BFAR: variants seen among roughly 807,000 people sequenced by gnomAD.
BFAR encodes RING finger protein 47.
In BFAR, 52 loss-of-function variants were observed where a neutral mutation model predicts 54.4. The observed-to-expected ratio is 0.96, with a 90% CI of 0.77 to 1.21. The LOEUF (loss-of-function observed/expected upper bound fraction) is 1.21. Ranked by LOEUF, BFAR falls within the 50% of genes most tolerant of loss-of-function variation. The pLI, the probability that BFAR is intolerant of heterozygous loss-of-function variation, is 0.00. For missense variants in BFAR, 571 were observed against 534.0 expected (o/e 1.07, Z -0.68); for synonymous variants, 215 against 204.3 (o/e 1.05, Z -0.45).
intron 1 of BFAR, 93 bp from the exon 2 acceptor site, chr16:14,644,181 T>G: frequency 1.5e-6 from 1 of 677,520 alleles, no homozygotes; most frequent in Non-Finnish European, 2.4e-6. Context: ...AAAAAAAAAA[T>G]TAGCGCTTCA....
chr16:14,655,464 C>G (rs886379813), intron 5 of BFAR, among the ~76,000 whole-genome samples: 1 of 150,446 alleles, frequency 6.6e-6, no homozygotes, highest in African/African-American at 2.4e-5. Context: ...TGGGATTACC[C>G]TACCCAGCTA....
intron 1 of BFAR, among the ~76,000 whole-genome samples, chr16:14,640,918 C>G (rs1000947806): frequency 6.6e-6 from 1 of 152,206 alleles, no homozygotes; most frequent in African/African-American, 2.4e-5. Flanking sequence ...TCTCCAGATA[C>G]CAGTTGTAGA....
chr16:14,645,800 T>G (rs966233452), intron 2 of BFAR, among the ~76,000 whole-genome samples: 1 of 152,202 alleles, frequency 6.6e-6, no homozygotes, highest in Non-Finnish European at 1.5e-5. Flanking sequence ...CTTTTTTCCC[T>G]TCTTATAAAC....
chr16:14,659,273 C>T (rs1023609517), intron 5 of BFAR, among the ~76,000 whole-genome samples: 16 of 147,480 alleles, frequency 1.1e-4, no homozygotes, highest in Middle Eastern at 3.7e-3. Context: ...AACAGAGTCT[C>T]GCTCTGCCTC....
intron 1 of BFAR, among the ~76,000 whole-genome samples, chr16:14,641,770 A>G (rs1959635447): frequency 1.3e-5 from 2 of 151,688 alleles, no homozygotes; most frequent in Admixed American, 1.3e-4. Context: ...CTGAGGCAGG[A>G]GAATCGCTTG....
Position 14,649,887 on chromosome 16 carries a change from G to C in BFAR, c.552G>C (p.Ala184=). The C allele has an allele frequency of 6.2e-7, 1 of 1,613,470 alleles. No homozygotes were observed. The highest frequency in any genetic ancestry group is 1.1e-5 in the South Asian group (1 of 90,898). Residue 184 remains alanine, a synonymous_variant, in exon 4 of 8, where the codon GCG becomes GCC. Transcript: ENST00000261658. ...LVHKAVAKWT[A]EEVVLWLEQL... ...ACAAGGCTGTGGCCAAATGGACGGC[G>C]GAAGAAGTTGTCCTCTGGCTGGAGC...
intron 4 of BFAR, among the ~76,000 whole-genome samples, chr16:14,653,569 A>C (rs1259131675): frequency 6.6e-6 from 1 of 151,470 alleles, no homozygotes; most frequent in Non-Finnish European, 1.5e-5. Context: ...CAGATGATCT[A>C]CCTGTGCCTC....
At chr16:14,643,941 C>T (rs1959703860) in intron 1 of BFAR, 1 of 163,184 alleles carries the variant, frequency 6.1e-6, no homozygotes, top group Non-Finnish European at 1.3e-5. Context: ...GCAGGCAGAT[C>T]ACGAGGTCAG....
intron 1 of BFAR, among the ~76,000 whole-genome samples, chr16:14,635,794 G>C (rs1034500587): frequency 6.6e-6 from 1 of 151,258 alleles, no homozygotes; most frequent in Admixed American, 6.6e-5. Context: ...CCCACACCCA[G>C]CTAATTTTAA....
chr16:14,667,112 G>T (rs1473455963), intron 7 of BFAR, among the ~76,000 whole-genome samples: 1 of 151,930 alleles, frequency 6.6e-6, no homozygotes, highest in Non-Finnish European at 1.5e-5. Context: ...TTGAGGTGGA[G>T]GATCACCTGA....
chr16:14,662,134 C>G lies in BFAR; in HGVS notation c.957+69C>G, dbSNP rs529601064. The G allele has an allele frequency of 9.1e-6, 14 of 1,533,012 alleles. No homozygotes were observed. The Admixed American group carries it at 1.9e-4, about 21-fold the overall frequency. 95.0% of individuals were successfully genotyped at this position (1,533,012 alleles called of 1,614,324 possible). On this transcript the variant is annotated intron_variant, in intron 6 of 7. Coordinates refer to ENST00000261658, the MANE Select transcript of BFAR (RefSeq NM_016561.3). ...GTTATTTGCAGAGATTGCTACCCAC[C>G]ATGGGTGCCATGTTTCTTCAGTTTG...
chr16:14,654,610 C>T, intron 4 of BFAR, among the ~76,000 whole-genome samples: 1 of 149,142 alleles, frequency 6.7e-6, no homozygotes, highest in Admixed American at 6.8e-5. Context: ...CAGGTTCAGG[C>T]AATTCTCATG....
intron 5 of BFAR, among the ~76,000 whole-genome samples, chr16:14,660,584 CTT>C (rs547361112): frequency 3.4e-5 from 4 of 117,386 alleles, no homozygotes; most frequent in Admixed American, 9.3e-5. Flanking sequence ...CGCACTCGGC[CTT>C]TTTTTTTTTT....
intron 7 of BFAR, 178 bp downstream of exon 7, chr16:14,665,249 G>T (rs924115483): frequency 6.4e-6 from 4 of 625,582 alleles, no homozygotes; most frequent in East Asian, 2.8e-5. Context: ...TGTTTTGGGG[G>T]TGGGGGTTGT....
At chr16:14,642,200 G>A (rs890181372) in intron 1 of BFAR, among the ~76,000 whole-genome samples, 1 of 152,206 alleles carries the variant, frequency 6.6e-6, no homozygotes, top group East Asian at 1.9e-4. Flanking sequence ...TAGCAAGATT[G>A]AGAAACTCAC....
chr16:14,653,611 G>A (rs951386920), intron 4 of BFAR, among the ~76,000 whole-genome samples: 1 of 151,892 alleles, frequency 6.6e-6, no homozygotes, highest in African/African-American at 2.4e-5. Context: ...ACAGGCATGA[G>A]CCACCGCCCC....
chr16:14,644,317 A>C lies in BFAR; in HGVS notation c.-30A>C. The C allele has an allele frequency of 6.3e-7, 1 of 1,580,304 alleles. No individual in the cohort carries two copies. Among genetic ancestry groups the C allele is most frequent in the South Asian group, 1.2e-5 (1 of 86,834 alleles). Reference sequence around the variant, plus strand: ...CAGTTTTCTACGTCTGAAATTTTTTATGTCTCTGGAACCCAGAATTTGCTA... The same window carrying C: ...CAGTTTTCTACGTCTGAAATTTTTTCTGTCTCTGGAACCCAGAATTTGCTA... On this transcript the variant is annotated 5_prime_UTR_variant, in exon 2 of 8. The change abolishes an upstream ATG in the 5' untranslated region. Transcript: ENST00000261658.
intron 2 of BFAR, among the ~76,000 whole-genome samples, chr16:14,644,886 T>C (rs750237081): frequency 1.1e-4 from 17 of 152,196 alleles, no homozygotes; most frequent in Non-Finnish European, 2.2e-4. Context: ...GTGGATCTTC[T>C]GGAATATGAG....
intron 4 of BFAR, among the ~76,000 whole-genome samples, chr16:14,652,047 C>T (rs902094841): frequency 9.2e-5 from 14 of 151,596 alleles, no homozygotes; most frequent in South Asian, 2.1e-4. Context: ...CCACCACGCC[C>T]GGCTAATTTT....
Sources: gnomAD v4.1 joint callset for allele counts (sites outside exome capture counted in the v4.1 genomes callset) on GRCh38, gnomAD v4.1.1 for gene constraint, MANE v1.5 for transcripts, NCBI Gene and HGNC (gene_info 2026-07-23, HGNC 2026-07-21) for gene names.